The following CNIH3 variants were observed in gnomAD, a reference collection of about 807,000 sequenced individuals.
CNIH3 encodes cornichon family AMPA receptor auxiliary protein 3, also known as protein cornichon homolog 3.
Under a neutral mutation model 24.1 loss-of-function variants are expected in CNIH3, and 14 were observed. The ratio of observed to expected loss-of-function variants is 0.58; its 90% CI spans 0.38 to 0.91. CNIH3 has a LOEUF of 0.91. Among genes scored for constraint, CNIH3 ranks in the 40% least tolerant of loss-of-function variants. CNIH3 has a pLI of 0.00. For missense variants in CNIH3, 178 were observed against 196.8 expected (o/e 0.90, Z 0.57); for synonymous variants, 68 against 73.8 (o/e 0.92, Z 0.40).
chr1:224,603,166 G>A (rs1682277721), intron 3 of CNIH3, among the ~76,000 whole-genome samples: 1 of 124,542 alleles, frequency 8.0e-6, no homozygotes, highest in Non-Finnish European at 1.7e-5. Flanking sequence ...AGTCCATTAT[G>A]TATTTGTCTT....
chr1:224,451,371 A>T (rs556449896), intron 1 of CNIH3, among the ~76,000 whole-genome samples: 1 of 152,280 alleles, frequency 6.6e-6, no homozygotes, highest in African/African-American at 2.4e-5. Flanking sequence ...GTCATGATGT[A>T]CTAGAGATCC....
intron 4 of CNIH3, among the ~76,000 whole-genome samples, chr1:224,731,919 G>A (rs1268821879): frequency 1.3e-5 from 2 of 152,238 alleles, no homozygotes; most frequent in Non-Finnish European, 2.9e-5. Flanking sequence ...GAAGAGACAG[G>A]GTTGGCAGGC....
chr1:224,693,148 A>G (rs530989972), intron 3 of CNIH3, among the ~76,000 whole-genome samples: 23 of 152,346 alleles, frequency 1.5e-4, no homozygotes, highest in African/African-American at 5.5e-4. Flanking sequence ...ACTCCTTGTT[A>G]GTCAGAGGGA....
chr1:224,452,671 A>G (rs1675465250), intron 1 of CNIH3, among the ~76,000 whole-genome samples: 1 of 149,916 alleles, frequency 6.7e-6, no homozygotes. Flanking sequence ...AGTCCCAGCT[A>G]CTCGGGAGGC....
intron 1 of CNIH3, chr1:224,435,321 T>C (rs1674603546): frequency 3.0e-6 from 2 of 659,390 alleles, no homozygotes; most frequent in African/African-American, 2.0e-5. Flanking sequence ...GTGGAAAAAC[T>C]TGAATTTCCA....
At chr1:224,653,981 T>G (rs1398328815) in intron 1 of CNIH3, among the ~76,000 whole-genome samples, 3 of 151,954 alleles carry the variant, frequency 2.0e-5, no homozygotes, top group Admixed American at 6.6e-5. Flanking sequence ...CTGGGGAGGC[T>G]GAGGCGAGAG....
At chr1:224,534,431 G>T (rs1679202317) in intron 2 of CNIH3, among the ~76,000 whole-genome samples, 1 of 152,066 alleles carries the variant, frequency 6.6e-6, no homozygotes, top group Non-Finnish European at 1.5e-5. Flanking sequence ...GGAGGATTAT[G>T]GTTTGTAATT....
At chr1:224,601,146 A>G (rs1208218004) in intron 3 of CNIH3, among the ~76,000 whole-genome samples, 4 of 152,196 alleles carry the variant, frequency 2.6e-5, no homozygotes, top group Non-Finnish European at 1.5e-5. Flanking sequence ...TGAGAGATTC[A>G]AGTGCGCTGT....
downstream of CNIH3, among the ~76,000 whole-genome samples, chr1:224,592,720 T>C (rs1681810994): frequency 6.6e-6 from 1 of 152,102 alleles, no homozygotes; most frequent in Admixed American, 6.5e-5. Flanking sequence ...GGGATCTAGT[T>C]TTGACAGCTG....
chr1:224,548,004 T>C (rs1679769299), intron 3 of CNIH3, among the ~76,000 whole-genome samples: 2 of 151,902 alleles, frequency 1.3e-5, no homozygotes, highest in South Asian at 4.1e-4. Context: ...ATATTACTCC[T>C]AATATCACAG....
intron 1 of CNIH3, among the ~76,000 whole-genome samples, chr1:224,643,410 C>T (rs796136459): frequency 6.6e-5 from 10 of 152,256 alleles, no homozygotes; most frequent in East Asian, 1.9e-4. Flanking sequence ...GAAAATGCAG[C>T]GAGGTGTTAG....
At chr1:224,446,212 GTTTTTTTT>G (rs35812016) in intron 1 of CNIH3, among the ~76,000 whole-genome samples, 7 of 108,900 alleles carry the variant, frequency 6.4e-5, no homozygotes, top group Admixed American at 5.9e-4. Context: ...TTTCAACTTT[GTTTTTTTT>G]TTTTTTTTTT....
rs561303902 is a variant in CNIH3 at position 224,554,350 on chromosome 1, T to A, written n.450+7411T>A. ...TCCAAGTTTCTGTGAACAACTAACGTTTATTCAACATTTACTGTGTGCCAG... is the reference window on the plus strand; with the variant it reads ...TCCAAGTTTCTGTGAACAACTAACGATTATTCAACATTTACTGTGTGCCAG... On this transcript the variant is annotated intron_variant and non_coding_transcript_variant, in intron 3 of 5. Transcript: ENST00000471578. Among the ~76,000 whole-genome samples the A allele has an allele frequency of 7.2e-5, 11 of 152,232 alleles. No homozygotes were observed. In the South Asian group the frequency reaches 2.3e-3, roughly 32 times the overall value.
chr1:224,494,560 T>C (rs1572356983), intron 1 of CNIH3, among the ~76,000 whole-genome samples: 1 of 152,286 alleles, frequency 6.6e-6, no homozygotes, highest in East Asian at 1.9e-4. Context: ...TGCCAAATCT[T>C]TGCTTGTGGC....
chr1:224,723,354 C>T (rs1688842959), intron 3 of CNIH3, among the ~76,000 whole-genome samples: 1 of 152,200 alleles, frequency 6.6e-6, no homozygotes, highest in Admixed American at 6.5e-5. Flanking sequence ...CCTTTTCCTC[C>T]CTGTGCTGCC....
chr1:224,442,132 C>G (rs1024832762), intron 1 of CNIH3, among the ~76,000 whole-genome samples: 10 of 151,678 alleles, frequency 6.6e-5, no homozygotes, highest in African/African-American at 2.4e-4. Flanking sequence ...AATCCTCCCA[C>G]CTCAGCCTCC....
chr1:224,654,313 T>A (rs1572665293), intron 1 of CNIH3, among the ~76,000 whole-genome samples: 1 of 151,856 alleles, frequency 6.6e-6, no homozygotes, highest in Non-Finnish European at 1.5e-5. Context: ...AACCCGGGGG[T>A]GGAGGTTGCA....
At chr1:224,457,363 G>A (rs1324561822) in intron 1 of CNIH3, among the ~76,000 whole-genome samples, 1 of 150,986 alleles carries the variant, frequency 6.6e-6, no homozygotes, top group Non-Finnish European at 1.5e-5. Context: ...GAAGGAGATA[G>A]CTCTGGCTTC....
chr1:224,509,934 T>C (rs1189217283), intron 1 of CNIH3, among the ~76,000 whole-genome samples: 1 of 152,104 alleles, frequency 6.6e-6, no homozygotes, highest in Admixed American at 6.5e-5. Context: ...AAAGTGGTGG[T>C]GTCTCCTCCT....
Sources: allele counts gnomAD v4.1 joint callset (sites outside exome capture counted in the v4.1 genomes callset), GRCh38; gene constraint gnomAD v4.1.1; transcripts MANE v1.5; gene names NCBI Gene and HGNC (gene_info 2026-07-23, HGNC 2026-07-21).